Variants in TRIO observed in about 807,000 individuals in gnomAD.
The protein encoded by TRIO is trio Rho guanine nucleotide exchange factor, also known as triple functional domain protein.
Under a neutral mutation model 351.9 loss-of-function variants are expected in TRIO, and 58 were observed. That is an observed-to-expected ratio of 0.16 (90% CI 0.13 to 0.21). The LOEUF (loss-of-function observed/expected upper bound fraction) is 0.21. TRIO is among the 10% of genes least tolerant of loss of function. TRIO has a pLI of 1.00. For synonymous variants in TRIO, 1,758 were observed against 1,595.7 expected (o/e 1.10, Z -2.42); for missense variants, 3,201 against 4,027.8 (o/e 0.79, Z 5.56).
At chr5:14,276,082 G>A (rs1354030879) in intron 2 of TRIO, among the ~76,000 whole-genome samples, 1 of 150,924 alleles carries the variant, frequency 6.6e-6, no homozygotes, top group Admixed American at 6.6e-5. Flanking sequence ...AGCTTTTTGG[G>A]GTGCAGTGAA....
At chr5:14,183,231 C>T (rs537620016) in intron 1 of TRIO, among the ~76,000 whole-genome samples, 2 of 152,256 alleles carry the variant, frequency 1.3e-5, no homozygotes, top group East Asian at 1.9e-4. Flanking sequence ...TGCTCCCCTC[C>T]GTTGAAAGTC....
At chr5:14,225,214 A>T (rs245448) in intron 1 of TRIO, among the ~76,000 whole-genome samples, 123,740 of 152,040 alleles carry the variant, frequency 0.81, 50,848 homozygotes, top group East Asian at 0.99. Flanking sequence ...GTGAGGTGAG[A>T]GGTGCAGACA....
intron 53 of TRIO, among the ~76,000 whole-genome samples, chr5:14,501,374 C>T (rs1167626354): frequency 1.3e-5 from 2 of 152,166 alleles, no homozygotes; most frequent in African/African-American, 2.4e-5. Context: ...TATTGCTTCT[C>T]GTGTGTCCTT....
At chr5:14,238,579 T>C (rs1793930621) in intron 1 of TRIO, among the ~76,000 whole-genome samples, 1 of 152,240 alleles carries the variant, frequency 6.6e-6, no homozygotes, top group Non-Finnish European at 1.5e-5. Flanking sequence ...ATCTTTCTTC[T>C]TTATGTTCCA....
intron 33 of TRIO, among the ~76,000 whole-genome samples, chr5:14,419,126 C>T (rs1034770602): frequency 1.3e-5 from 2 of 152,072 alleles, no homozygotes; most frequent in African/African-American, 2.4e-5. Context: ...CTCTGGGAAA[C>T]GAGCCGATGT....
chr5:14,246,198 G>A (rs917681969), intron 1 of TRIO, among the ~76,000 whole-genome samples: 4 of 152,114 alleles, frequency 2.6e-5, no homozygotes, highest in African/African-American at 9.7e-5. Flanking sequence ...GCCTTTTAAA[G>A]ATAGAAAATA....
chr5:14,306,967 G>A (rs1343509294), intron 8 of TRIO, among the ~76,000 whole-genome samples: 2 of 152,078 alleles, frequency 1.3e-5, no homozygotes. Context: ...GGTCTTAGAT[G>A]GAATTTTAGC....
chr5:14,323,231 T>C (rs1740044038), intron 9 of TRIO, among the ~76,000 whole-genome samples: 1 of 152,202 alleles, frequency 6.6e-6, no homozygotes, highest in South Asian at 2.1e-4. Context: ...TTAAAAGTAG[T>C]CTCACACACA....
intron 1 of TRIO, among the ~76,000 whole-genome samples, chr5:14,218,147 A>G (rs1300301826): frequency 6.6e-6 from 1 of 152,186 alleles, no homozygotes; most frequent in African/African-American, 2.4e-5. Context: ...TTTCAGCACA[A>G]GGGCATGTTT....
At chr5:14,253,190 A>G (rs534415729) in intron 1 of TRIO, among the ~76,000 whole-genome samples, 7 of 152,322 alleles carry the variant, frequency 4.6e-5, no homozygotes, top group Admixed American at 4.6e-4. Context: ...TCTTCTGGGT[A>G]TGGGAAGAAA....
intron 1 of TRIO, among the ~76,000 whole-genome samples, chr5:14,174,124 T>C (rs1241329402): frequency 6.6e-6 from 1 of 152,236 alleles, no homozygotes; most frequent in African/African-American, 2.4e-5. Context: ...TATGGAGAAA[T>C]GAGCGCTAGT....
chr5:14,163,541 A>T (rs1243659064), intron 1 of TRIO, among the ~76,000 whole-genome samples: 2 of 152,014 alleles, frequency 1.3e-5, no homozygotes, highest in Non-Finnish European at 1.5e-5. Flanking sequence ...CTTCTTTGAA[A>T]TTTTTTCTGT....
intron 53 of TRIO, 177 bp downstream of exon 53, chr5:14,498,817 A>C: frequency 1.1e-6 from 1 of 949,320 alleles, no homozygotes; most frequent in Non-Finnish European, 1.5e-6. Flanking sequence ...GGGATGTCAC[A>C]GGAGAGTGAC....
At chr5:14,393,601 T>C (rs529101080) in intron 27 of TRIO, among the ~76,000 whole-genome samples, 2 of 152,346 alleles carry the variant, frequency 1.3e-5, no homozygotes, top group East Asian at 1.9e-4. Context: ...ATGGTGCTCA[T>C]TTAACTCTAA....
intron 9 of TRIO, among the ~76,000 whole-genome samples, chr5:14,321,019 A>C (rs903226848): frequency 6.6e-6 from 1 of 152,228 alleles, no homozygotes; most frequent in African/African-American, 2.4e-5. Context: ...GATTTGTGCA[A>C]ATTTGAGTGT....
intron 1 of TRIO, among the ~76,000 whole-genome samples, chr5:14,243,013 G>A (rs191306679): frequency 6.6e-6 from 1 of 152,310 alleles, no homozygotes; most frequent in East Asian, 1.9e-4. Flanking sequence ...CCCAGCCAGG[G>A]GGTCTCTTCT....
At position 14,143,722 on chromosome 5, in the gene TRIO, A is replaced by C. The variant is rs1301957953; in HGVS notation, c.-4A>C. On this transcript the variant is annotated 5_prime_UTR_variant, in exon 1 of 57. Transcript: ENST00000344204. The stretch of plus-strand genomic sequence containing the variant: ...CGGGCGCGGCCGCGGGCGCCGCCGC[A>C]GCCATGAGCGGCAGCAGCGGCGGAG... The C allele has an allele frequency of 1.0e-6, 1 of 976,060 alleles. No homozygotes were observed. Among genetic ancestry groups the C allele is most frequent in the Non-Finnish European group, 1.2e-6 (1 of 825,660 alleles). The allele number at this position is 976,060 out of a possible 1,614,324, so 60.5% of individuals were successfully genotyped here. A position where few individuals can be genotyped will look rare whatever the true frequency, so the allele number is the denominator to read the frequency against.
chr5:14,504,902 GTC>G (rs986822001), intron 55 of TRIO, among the ~76,000 whole-genome samples: 1 of 150,480 alleles, frequency 6.6e-6, no homozygotes, highest in African/African-American at 2.5e-5. Context: ...AGGCCAGGCT[GTC>G]TCTGGTGCTG....
chr5:14,154,236 G>A (rs1307305714), intron 1 of TRIO, among the ~76,000 whole-genome samples: 2 of 152,090 alleles, frequency 1.3e-5, no homozygotes, highest in African/African-American at 4.8e-5. Context: ...CGGGAAGGGC[G>A]GGGAGAGGCT....
Sources: allele counts gnomAD v4.1 joint callset (sites outside exome capture counted in the v4.1 genomes callset), GRCh38; gene constraint gnomAD v4.1.1; transcripts MANE v1.5; gene names NCBI Gene and HGNC (gene_info 2026-07-23, HGNC 2026-07-21).